The following WDSUB1 variants were observed in gnomAD, a reference collection of about 807,000 sequenced individuals.
WDSUB1 encodes the protein WD repeat, sterile alpha motif and U-box domain containing 1, also known as WD repeat, SAM and U-box domain-containing protein 1.
Under a neutral mutation model 53.9 loss-of-function variants are expected in WDSUB1, and 49 were observed. The ratio of observed to expected loss-of-function variants is 0.91; its 90% CI spans 0.72 to 1.15. The LOEUF is 1.15. WDSUB1 is among the 50% of genes most tolerant of loss of function. The pLI is 0.00. For missense variants in WDSUB1, 514 were observed against 562.0 expected, an observed-to-expected ratio of 0.91 and a Z score of 0.86; for synonymous variants, 194 against 200.6, an observed-to-expected ratio of 0.97 and a Z score of 0.28.
In WDSUB1 at chr2:159,275,544, A is replaced by C. The variant is rs767777989; in HGVS notation, c.676+2T>G. The C allele has an allele frequency of 1.0e-5, 16 of 1,591,766 alleles. No homozygotes were observed. Among genetic ancestry groups the C allele is most frequent in the Non-Finnish European group, 1.7e-6 (2 of 1,173,758 alleles). ...TAGAGAAGCACTATTTGGCATACAT[A>C]CCTAAGATATGGGTAAAAGAAACAA... On this transcript the variant is annotated splice_donor_variant, in intron 4 of 10. Transcript: ENST00000359774. LOFTEE classifies it high-confidence loss of function.
intron 9 of WDSUB1, among the ~76,000 whole-genome samples, chr2:159,252,124 A>G (rs1460628011): frequency 6.9e-6 from 1 of 145,804 alleles, no homozygotes; most frequent in African/African-American, 2.6e-5. Flanking sequence ...GAAAGCTAAA[A>G]ATCTGCTTTT....
chr2:159,267,411 C>T (rs1289922309), intron 5 of WDSUB1, among the ~76,000 whole-genome samples: 1 of 151,980 alleles, frequency 6.6e-6, no homozygotes, highest in Non-Finnish European at 1.5e-5. Context: ...GGGGATTCTC[C>T]TGCCTCAGCC....
intron 10 of WDSUB1, among the ~76,000 whole-genome samples, chr2:159,242,191 C>A (rs2060670759): frequency 6.8e-6 from 1 of 146,954 alleles, no homozygotes; most frequent in Admixed American, 6.6e-5. Context: ...GCTGGGACTA[C>A]AGGCACACGC....
intron 10 of WDSUB1, among the ~76,000 whole-genome samples, chr2:159,241,712 C>CT (rs1180259583): frequency 1.0e-5 from 1 of 95,994 alleles, no homozygotes; most frequent in Non-Finnish European, 2.5e-5. Context: ...GGGATGTTTT[C>CT]TTTTTTCTTT....
intron 5 of WDSUB1, among the ~76,000 whole-genome samples, chr2:159,263,849 C>G (rs2061278717): frequency 6.6e-6 from 1 of 152,044 alleles, no homozygotes; most frequent in Admixed American, 6.6e-5. Context: ...ATTTTATGTA[C>G]TATTTAATAT....
At chr2:159,248,657 C>A (rs937990166) in intron 9 of WDSUB1, 145 bp from the exon 10 acceptor site, 1 of 957,242 alleles carries the variant, frequency 1.0e-6, no homozygotes, top group Admixed American at 3.7e-5. Flanking sequence ...GGCTGGAGTG[C>A]AGTGGCAAAA....
At position 159,242,870 on chromosome 2, in the gene WDSUB1, TACAA is replaced by T. The variant is rs553497685; in HGVS notation, c.1273+5498_1273+5501del. The stretch of plus-strand genomic sequence containing the variant: ...AAAATGAGGTACAAGAATGCTGAAA[TACAA>T]ACAGGTCCTGAAAATTTTTCTGAGG... On this transcript the variant is annotated intron_variant, in intron 10 of 10. Transcript: ENST00000359774. 1.8e-4 allele frequency among the ~76,000 whole-genome samples: 27 copies of T among 147,814 alleles called. 6 individuals carry two copies. Among genetic ancestry groups the T allele is most frequent in the African/African-American group, 7.1e-4 (27 of 37,992 alleles).
In WDSUB1 at chr2:159,235,804, G is replaced by C. The variant is rs527927340; in HGVS notation, c.*229C>G. ...AAAACTTAGGACACTGCAATTTAAAGTATAACTTTATTTCTATATAGCTGA... is the reference window on the plus strand; with the variant it reads ...AAAACTTAGGACACTGCAATTTAAACTATAACTTTATTTCTATATAGCTGA... On this transcript the variant is annotated 3_prime_UTR_variant, in exon 11 of 11. Coordinates refer to ENST00000359774, the MANE Select transcript of WDSUB1 (RefSeq NM_001128212.3). 11 of 338,772 alleles carry C rather than the reference G, an allele frequency of 3.2e-5. No individual in the cohort carries two copies. In the South Asian group the frequency reaches 1.1e-3, roughly 35 times the overall value. The allele number at this position is 338,772 out of a possible 1,614,324, so 21.0% of individuals were successfully genotyped here.
At chr2:159,249,478 T>C (rs1455804484) in intron 9 of WDSUB1, among the ~76,000 whole-genome samples, 1 of 152,216 alleles carries the variant, frequency 6.6e-6, no homozygotes, top group African/African-American at 2.4e-5. Flanking sequence ...TTACAGTTAC[T>C]AGAAAAAGCC....
At chr2:159,259,418 C>T (rs1426865252) in intron 6 of WDSUB1, among the ~76,000 whole-genome samples, 1 of 152,182 alleles carries the variant, frequency 6.6e-6, no homozygotes, top group Non-Finnish European at 1.5e-5. Flanking sequence ...TCCCTAAATC[C>T]AGCCAGGACT....
Position 159,248,594 on chromosome 2 carries a change from A to G in WDSUB1, c.1133-82T>C, listed in dbSNP as rs1418824304. The G allele has an allele frequency of 3.6e-6, 5 of 1,377,362 alleles. No individual in the cohort carries two copies. In the East Asian group the frequency reaches 1.1e-4, roughly 30 times the overall value. The allele number at this position is 1,377,362 out of a possible 1,614,324, so 85.3% of individuals were successfully genotyped here. A position where few individuals can be genotyped will look rare whatever the true frequency, so the allele number is the denominator to read the frequency against. Reference sequence around the variant, plus strand: ...TACTACCAGTAATCCTTATTCACAAATAGAGTTTGTTGTTGGGGTTGATTT... The same window carrying G: ...TACTACCAGTAATCCTTATTCACAAGTAGAGTTTGTTGTTGGGGTTGATTT... On this transcript the variant is annotated intron_variant, in intron 9 of 10. Transcript: ENST00000359774.
Position 159,275,613 on chromosome 2 carries a change from A to G in WDSUB1, c.609T>C (p.Phe203=). 1 of 1,605,836 alleles carries G rather than the reference A, an allele frequency of 6.2e-7. No individual in the cohort carries two copies. Among genetic ancestry groups the G allele is most frequent in the African/African-American group, 1.3e-5 (1 of 74,362 alleles). Residue 203 remains phenylalanine (F), a synonymous_variant, in exon 4 of 11, where the codon TTT becomes TTC. Coordinates refer to ENST00000359774, the MANE Select transcript of WDSUB1 (RefSeq NM_001128212.3). ...VSDGEQGLQF[F]RLASCGQDCQ... Reference sequence around the variant, plus strand: ...AATCCTGACCACATGATGCCAGTCGAAAAAACTGAAGACCTTGTTCTCCAT... The same window carrying G: ...AATCCTGACCACATGATGCCAGTCGGAAAAACTGAAGACCTTGTTCTCCAT...
intron 10 of WDSUB1, among the ~76,000 whole-genome samples, chr2:159,244,354 G>A (rs2060734761): frequency 6.6e-6 from 1 of 151,426 alleles, no homozygotes; most frequent in Admixed American, 6.6e-5. Context: ...ATATCTAAGG[G>A]GTCTGCATCC....
chr2:159,251,240 C>T (rs112387421), intron 9 of WDSUB1, among the ~76,000 whole-genome samples: 2 of 150,570 alleles, frequency 1.3e-5, no homozygotes, highest in African/African-American at 2.4e-5. Flanking sequence ...CACTCCAGCC[C>T]GGGCAACAGA....
chr2:159,260,595 A>C (rs1273251174), intron 5 of WDSUB1, among the ~76,000 whole-genome samples: 2 of 152,354 alleles, frequency 1.3e-5, no homozygotes, highest in East Asian at 3.9e-4. Context: ...TGAAAATTAT[A>C]ATTCTAAACT....
At chr2:159,244,409 C>G (rs2151053731) in intron 10 of WDSUB1, among the ~76,000 whole-genome samples, 1 of 146,868 alleles carries the variant, frequency 6.8e-6, no homozygotes, top group African/African-American at 2.5e-5. Flanking sequence ...AAAGCCAATA[C>G]AGTATAACAG....
intron 9 of WDSUB1, among the ~76,000 whole-genome samples, chr2:159,252,556 G>A (rs2060973398): frequency 6.6e-6 from 1 of 152,096 alleles, no homozygotes; most frequent in African/African-American, 2.4e-5. Context: ...ACCAGGGAGG[G>A]TTATGCCCTT....
chr2:159,280,658 T>C (rs13026565), intron 2 of WDSUB1, among the ~76,000 whole-genome samples: 48,200 of 121,832 alleles, frequency 0.4, 11,453 homozygotes, highest in Non-Finnish European at 0.55. Context: ...GCCACTGCAC[T>C]CCAGCCTGGG....
At chr2:159,274,688 C>T (rs1253191126) in intron 4 of WDSUB1, among the ~76,000 whole-genome samples, 1 of 151,976 alleles carries the variant, frequency 6.6e-6, no homozygotes, top group East Asian at 1.9e-4. Flanking sequence ...TACCCACCTC[C>T]TCATCCTAGA....
Sources: gnomAD v4.1 joint callset for allele counts (sites outside exome capture counted in the v4.1 genomes callset) on GRCh38, gnomAD v4.1.1 for gene constraint, MANE v1.5 for transcripts, NCBI Gene and HGNC (gene_info 2026-07-23, HGNC 2026-07-21) for gene names.